Variants in NAV1 observed in about 807,000 individuals in gnomAD.
NAV1 encodes neuron navigator 1.
NAV1 carries 18 observed loss-of-function variants against 175.2 expected under a neutral mutation model. That is an observed-to-expected ratio of 0.10 (90% CI 0.07 to 0.15). The LOEUF is 0.15. Among genes scored for constraint, NAV1 ranks in the 10% least tolerant of loss-of-function variants. The probability of loss-of-function intolerance (pLI) is 1.00; values close to 1 mark genes in which losing one functional copy is unlikely to be tolerated. For synonymous variants in NAV1, 897 were observed against 978.7 expected (o/e 0.92, Z 1.56); for missense variants, 1,731 against 2,436.6 (o/e 0.71, Z 6.10).
chr1:201,665,260 G>A (rs995707296), intron 1 of NAV1, among the ~76,000 whole-genome samples: 1 of 150,244 alleles, frequency 6.7e-6, no homozygotes, highest in South Asian at 2.1e-4. Flanking sequence ...GGCCACTCCC[G>A]CAGATCTGCT....
intron 2 of NAV1, among the ~76,000 whole-genome samples, chr1:201,717,865 G>A (rs1160983735): frequency 2.6e-5 from 4 of 152,188 alleles, no homozygotes. Flanking sequence ...TAGAAGAGAG[G>A]TGATGGACAC....
upstream of NAV1, among the ~76,000 whole-genome samples, chr1:201,621,706 A>G (rs1668176188): frequency 6.6e-6 from 1 of 152,110 alleles, no homozygotes; most frequent in Non-Finnish European, 1.5e-5. Flanking sequence ...AAAGATTTTA[A>G]TTTTTATGCA....
At chr1:201,570,661 C>T (rs369952545) in intron 1 of NAV1, among the ~76,000 whole-genome samples, 7 of 152,318 alleles carry the variant, frequency 4.6e-5, no homozygotes, top group African/African-American at 1.2e-4. Context: ...CTGAGGGCTA[C>T]GACCAGGGCC....
chr1:201,772,910 G>A (rs1358808580), intron 3 of NAV1, among the ~76,000 whole-genome samples: 1 of 152,008 alleles, frequency 6.6e-6, no homozygotes, highest in Non-Finnish European at 1.5e-5. Context: ...GCGGGTGCTT[G>A]TAGTCCTAGC....
At chr1:201,712,322 G>T (rs552962319) in intron 1 of NAV1, among the ~76,000 whole-genome samples, 2 of 152,318 alleles carry the variant, frequency 1.3e-5, no homozygotes, top group East Asian at 3.9e-4. Context: ...TTGGTAGATT[G>T]AAAGTGGCCA....
At chr1:201,635,327 G>T (rs1668590532) in intron 2 of NAV1, among the ~76,000 whole-genome samples, 1 of 152,144 alleles carries the variant, frequency 6.6e-6, no homozygotes, top group Non-Finnish European at 1.5e-5. Context: ...TTACAGGCGT[G>T]AGCCATTGCA....
At chr1:201,756,794 C>CTCTT (rs1319044206) in intron 3 of NAV1, among the ~76,000 whole-genome samples, 15 of 143,670 alleles carry the variant, frequency 1.0e-4, no homozygotes, top group Admixed American at 7.1e-5. Context: ...ATGAGCAATT[C>CTCTT]TCTTTCTTTC....
intron 1 of NAV1, among the ~76,000 whole-genome samples, chr1:201,655,420 G>C (rs577370142): frequency 6.6e-6 from 1 of 152,350 alleles, no homozygotes; most frequent in Non-Finnish European, 1.5e-5. Flanking sequence ...CAGAGCCTGC[G>C]GCCTTTTCTC....
Position 201,754,652 on chromosome 1 carries a change from A to G in NAV1, c.1227-25769A>G, listed in dbSNP as rs73088430. Among the ~76,000 whole-genome samples, 916 of 152,308 alleles carry G rather than the reference A, an allele frequency of 6.0e-3. 11 individuals are homozygous for G. Among genetic ancestry groups the G allele is most frequent in the African/African-American group, 0.02 (851 of 41,552 alleles). Reference sequence around the variant, plus strand: ...CAAATGCAGGCGAAAAGTTCTCTCCATGTGGCTCATGAGTGATGAGGCAGC... The same window carrying G: ...CAAATGCAGGCGAAAAGTTCTCTCCGTGTGGCTCATGAGTGATGAGGCAGC... On this transcript the variant is annotated intron_variant, in intron 3 of 29. Coordinates refer to ENST00000367296, the Ensembl canonical transcript of NAV1.
intron 17 of NAV1, among the ~76,000 whole-genome samples, chr1:201,805,851 G>T (rs1365633406): frequency 6.6e-6 from 1 of 152,130 alleles, no homozygotes; most frequent in East Asian, 1.9e-4. Context: ...GAGCCTGGGA[G>T]GTGGAGGTTG....
At chr1:201,819,130 C>A (rs1324973683) in intron 29 of NAV1, among the ~76,000 whole-genome samples, 3 of 152,190 alleles carry the variant, frequency 2.0e-5, no homozygotes, top group East Asian at 3.8e-4. Flanking sequence ...CAGTGTCTAG[C>A]TGCTGGTTTA....
intron 3 of NAV1, chr1:201,723,513 C>CT (rs1459934667): frequency 1.3e-5 from 2 of 152,298 alleles, no homozygotes; most frequent in East Asian, 3.9e-4. Flanking sequence ...ACTGCAAAAT[C>CT]TAACGCCATG....
rs544084160 is a variant in NAV1, at chr1:201,788,407, C to T, written c.2996-61C>T. ...CCCCAAGGGCCCGGAGAGCTGATGA[C>T]CCTGCCTCTTTTCCTGCCCTCCTGC... is the stretch of plus-strand genomic sequence containing the variant. On this transcript the variant is annotated intron_variant, in intron 9 of 29. Coordinates refer to ENST00000367296, the Ensembl canonical transcript of NAV1. This position sits in a 1 kb window ranked among gnomAD's most constrained non-coding sequence, Gnocchi z 5.7. The T allele has an allele frequency of 7.6e-6, 12 of 1,585,306 alleles. 1 individual carries two copies. The African/African-American group carries it at 9.4e-5, about 12-fold the overall frequency.
chr1:201,820,197 G>T, exon 30 of NAV1: 1 of 365,930 alleles, frequency 2.7e-6, no homozygotes, highest in South Asian at 4.7e-5. Context: ...GGGAAAAGAT[G>T]ATTCTGGGTC....
intron 2 of NAV1, among the ~76,000 whole-genome samples, chr1:201,597,555 G>A (rs531509480): frequency 6.6e-5 from 10 of 152,298 alleles, no homozygotes; most frequent in Non-Finnish European, 1.0e-4. Context: ...CTTCCCACAG[G>A]CTGCAGAGCC....
At chr1:201,696,625 G>C (rs1371680217) in intron 1 of NAV1, among the ~76,000 whole-genome samples, 2 of 152,176 alleles carry the variant, frequency 1.3e-5, no homozygotes, top group Non-Finnish European at 2.9e-5. Context: ...TGGAGGACAG[G>C]CTTCATTCTG....
At chr1:201,637,094 G>A (rs1668635390) in intron 2 of NAV1, among the ~76,000 whole-genome samples, 1 of 152,170 alleles carries the variant, frequency 6.6e-6, no homozygotes, top group South Asian at 2.1e-4. Context: ...GCATTCCTCT[G>A]TGAGGTTTAA....
intron 3 of NAV1, among the ~76,000 whole-genome samples, chr1:201,759,058 A>C (rs1045692852): frequency 6.6e-6 from 1 of 152,240 alleles, no homozygotes; most frequent in Non-Finnish European, 1.5e-5. Context: ...AGTGCTTGGC[A>C]TACATATTTA....
At chr1:201,575,075 G>A (rs1666657222) in intron 1 of NAV1, among the ~76,000 whole-genome samples, 1 of 152,234 alleles carries the variant, frequency 6.6e-6, no homozygotes, top group Non-Finnish European at 1.5e-5. Context: ...CCTAGATGGT[G>A]CTTTCTCCTT....
Sources: allele counts gnomAD v4.1 joint callset (sites outside exome capture counted in the v4.1 genomes callset), GRCh38; gene constraint gnomAD v4.1.1; non-coding constraint Gnocchi (gnomAD v3.1); transcripts MANE v1.5; gene names NCBI Gene and HGNC (gene_info 2026-07-23, HGNC 2026-07-21).